AMPH: variants seen among roughly 807,000 people sequenced by gnomAD.
AMPH encodes the protein amphiphysin.
In AMPH, 49 loss-of-function variants were observed where a neutral mutation model predicts 99.1. The ratio of observed to expected loss-of-function variants is 0.49; its 90% CI spans 0.39 to 0.63. The LOEUF (loss-of-function observed/expected upper bound fraction) is 0.63, where lower values mean the gene tolerates loss of function less well. AMPH is among the 20% of genes least tolerant of loss of function. AMPH has a pLI of 0.00. For synonymous variants in AMPH, 314 were observed against 317.3 expected (o/e 0.99, Z 0.11); for missense variants, 759 against 863.4 (o/e 0.88, Z 1.52).
Position 38,504,426 on chromosome 7 carries a change from G to A in AMPH, c.151-722C>T, listed in dbSNP as rs559803180. On this transcript the variant is annotated intron_variant, in intron 2 of 20. Transcript: ENST00000356264. ...GACTCTCTGAAACTAGGATGAGACTGCAAATAGTTTAATTTGGAGTTAGTC... is the reference window on the plus strand; with the variant it reads ...GACTCTCTGAAACTAGGATGAGACTACAAATAGTTTAATTTGGAGTTAGTC... Among the ~76,000 whole-genome samples the A allele has an allele frequency of 3.3e-5, 5 of 152,298 alleles. No individual in the cohort carries two copies. The East Asian group carries it at 9.6e-4, about 29-fold the overall frequency.
intron 2 of AMPH, among the ~76,000 whole-genome samples, chr7:38,517,218 T>C (rs1789781070): frequency 6.6e-6 from 1 of 152,208 alleles, no homozygotes; most frequent in Non-Finnish European, 1.5e-5. Flanking sequence ...TGATATGGTT[T>C]GGATTAGTGT....
At chr7:38,490,729 A>G (rs1788685937) in intron 5 of AMPH, among the ~76,000 whole-genome samples, 1 of 152,198 alleles carries the variant, frequency 6.6e-6, no homozygotes, top group African/African-American at 2.4e-5. Flanking sequence ...GTCAAATGCT[A>G]TATAATAAAA....
intron 7 of AMPH, among the ~76,000 whole-genome samples, chr7:38,471,618 C>T (rs1462058593): frequency 1.3e-5 from 2 of 152,148 alleles, no homozygotes; most frequent in Admixed American, 1.3e-4. Context: ...GACAGAAAAG[C>T]CTACATTTTG....
At chr7:38,419,957 A>C (rs1474713364) in intron 16 of AMPH, among the ~76,000 whole-genome samples, 3 of 152,226 alleles carry the variant, frequency 2.0e-5, no homozygotes, top group African/African-American at 4.8e-5. Context: ...ATTTTTTATA[A>C]GGCAAGAATA....
chr7:38,513,200 G>C (rs1238523661), intron 2 of AMPH, among the ~76,000 whole-genome samples: 2 of 152,170 alleles, frequency 1.3e-5, no homozygotes, highest in Non-Finnish European at 2.9e-5. Flanking sequence ...TTACCAAGGA[G>C]AGTGGCAGTC....
intron 11 of AMPH, among the ~76,000 whole-genome samples, chr7:38,451,290 T>C (rs6462844): frequency 0.12 from 18,102 of 150,040 alleles, 2,075 homozygotes; most frequent in East Asian, 0.34. Context: ...TATATACACA[T>C]GCACACATAT....
chr7:38,446,686 A>G (rs1280899007), intron 11 of AMPH, among the ~76,000 whole-genome samples: 1 of 152,244 alleles, frequency 6.6e-6, no homozygotes, highest in African/African-American at 2.4e-5. Flanking sequence ...GGTGACATAT[A>G]TTCATTATCT....
At chr7:38,459,088 GC>G (rs1787343970) in intron 11 of AMPH, among the ~76,000 whole-genome samples, 1 of 151,884 alleles carries the variant, frequency 6.6e-6, no homozygotes, top group Non-Finnish European at 1.5e-5. Flanking sequence ...CCAATAAAGA[GC>G]CAGAAGGGAA....
At chr7:38,389,968 C>G in intron 19 of AMPH, 63 bp from the exon 20 acceptor site, 1 of 1,259,736 alleles carries the variant, frequency 7.9e-7, no homozygotes, top group Non-Finnish European at 1.2e-6. Flanking sequence ...GACACTCTTA[C>G]AAGTCACTCT....
At chr7:38,396,093 T>C (rs1784661419) in intron 17 of AMPH, among the ~76,000 whole-genome samples, 1 of 152,230 alleles carries the variant, frequency 6.6e-6, no homozygotes, top group Non-Finnish European at 1.5e-5. Flanking sequence ...GATGTGGCTC[T>C]CCAAATGTGC....
At chr7:38,505,260 T>C (rs1231919366) in intron 2 of AMPH, among the ~76,000 whole-genome samples, 1 of 152,240 alleles carries the variant, frequency 6.6e-6, no homozygotes, top group African/African-American at 2.4e-5. Context: ...ATATTTTCCA[T>C]ATAACACTTG....
intron 1 of AMPH, among the ~76,000 whole-genome samples, chr7:38,583,765 A>G (rs559874771): frequency 3.9e-5 from 6 of 152,274 alleles, no homozygotes; most frequent in Non-Finnish European, 8.8e-5. Context: ...AAGCTGTGTC[A>G]GCCATGCACT....
chr7:38,512,363 G>A (rs1165743647), intron 2 of AMPH, among the ~76,000 whole-genome samples: 1 of 152,166 alleles, frequency 6.6e-6, no homozygotes, highest in African/African-American at 2.4e-5. Flanking sequence ...TAGTCTCCCT[G>A]GGCTTGGATG....
intron 1 of AMPH, among the ~76,000 whole-genome samples, chr7:38,552,870 C>A (rs1348123131): frequency 6.6e-6 from 1 of 152,188 alleles, no homozygotes; most frequent in Non-Finnish European, 1.5e-5. Flanking sequence ...ATAAAACTAT[C>A]TGTGAAATAC....
chr7:38,580,665 GAT>G (rs1792416909), intron 1 of AMPH, among the ~76,000 whole-genome samples: 1 of 69,040 alleles, frequency 1.4e-5, no homozygotes, highest in Non-Finnish European at 3.4e-5. Context: ...ATGGGATGAT[GAT>G]GATGATGATG....
In AMPH at chr7:38,565,679, T is replaced by TG. The variant is rs35274934; in HGVS notation, c.70-30669dup. On this transcript the variant is annotated intron_variant, in intron 1 of 20. Transcript: ENST00000356264. ...GGGTTAGGGTTTCAACATATGAATT[T>TG]GGGGGGTGGGGAGGTCACAATTCAG... is the stretch of plus-strand genomic sequence containing the variant. 4.2e-4 allele frequency among the ~76,000 whole-genome samples: 3 copies of TG among 7,186 alleles called. No homozygotes were observed. In the East Asian group the frequency reaches 8.0e-3, roughly 19 times the overall value. 4.7% of individuals were successfully genotyped at this position (7,186 alleles called of 152,430 possible). A position where few individuals can be genotyped will look rare whatever the true frequency, so the allele number is the denominator to read the frequency against.
intron 11 of AMPH, among the ~76,000 whole-genome samples, chr7:38,455,626 G>A (rs1009859411): frequency 6.6e-6 from 1 of 152,278 alleles, no homozygotes. Context: ...AGAATTCCCA[G>A]GACTCCACAT....
At chr7:38,622,825 GT>G (rs113570312) in intron 1 of AMPH, among the ~76,000 whole-genome samples, 10,843 of 152,186 alleles carry the variant, frequency 0.071, 635 homozygotes, top group African/African-American at 0.14. Flanking sequence ...ATATTCATTT[GT>G]AAAGAGCTCA....
intron 2 of AMPH, among the ~76,000 whole-genome samples, chr7:38,511,703 CG>C (rs1399937162): frequency 6.6e-6 from 1 of 152,134 alleles, no homozygotes; most frequent in Non-Finnish European, 1.5e-5. Context: ...ATATACAAAA[CG>C]CTTTCTAAAT....
Sources: allele counts gnomAD v4.1 joint callset (sites outside exome capture counted in the v4.1 genomes callset), GRCh38; gene constraint gnomAD v4.1.1; transcripts MANE v1.5; gene names NCBI Gene and HGNC (gene_info 2026-07-23, HGNC 2026-07-21).